ZRSR2: variants seen among roughly 807,000 people sequenced by gnomAD.
ZRSR2 encodes the protein zinc finger CCCH-type, RNA binding motif and serine/arginine rich 2, also known as U2 small nuclear ribonucleoprotein auxiliary factor 35 kDa subunit-related protein 2.
In ZRSR2, 3 loss-of-function variants were observed where a neutral mutation model predicts 39.4. The ratio of observed to expected loss-of-function variants is 0.08; its 90% CI spans 0.03 to 0.20. The LOEUF (loss-of-function observed/expected upper bound fraction) is 0.20. ZRSR2 is among the 10% of genes least tolerant of loss of function. ZRSR2 has a pLI of 1.00. For synonymous variants in ZRSR2, 137 were observed against 136.0 expected (o/e 1.01, Z -0.05); for missense variants, 256 against 391.5 (o/e 0.65, Z 2.92).
At chrX:15,822,360 C>T (rs900236105) in intron 10 of ZRSR2, among the ~76,000 whole-genome samples, 2 of 110,420 alleles carry the variant, frequency 1.8e-5, no homozygotes, top group Non-Finnish European at 3.8e-5. Flanking sequence ...CCACAGGGAC[C>T]CAAAGAGCTG....
chrX:15,790,795 C>T (rs1321027153), intron 1 of ZRSR2, 139 bp from the exon 2 acceptor site: 3 of 633,144 alleles, frequency 4.7e-6, no homozygotes, highest in East Asian at 3.5e-5. Context: ...GATGGCTGTT[C>T]TGTAATTAAA....
At chrX:15,799,652 T>G (rs1196315959) in intron 2 of ZRSR2, among the ~76,000 whole-genome samples, 1 of 110,811 alleles carries the variant, frequency 9.0e-6, no homozygotes, top group Non-Finnish European at 1.9e-5. Context: ...GTGGAACCAT[T>G]GATTAATTTT....
intron 6 of ZRSR2, 52 bp from the exon 7 acceptor site, chrX:15,809,148 C>T (rs1932842205): frequency 3.6e-6 from 3 of 836,663 alleles, no homozygotes; most frequent in Non-Finnish European, 5.4e-6. Context: ...TGAAACATTT[C>T]GTCTTTCATG....
chrX:15,799,841 C>T (rs1220953547), intron 2 of ZRSR2, 31 bp from the exon 3 acceptor site: 3 of 1,035,873 alleles, frequency 2.9e-6, no homozygotes, highest in Admixed American at 2.4e-5. Context: ...ATTTGCAGCA[C>T]TCAGTTTAAT....
rs776339208 is a variant in ZRSR2 at position 15,818,532 on chromosome X, A to G, written c.772-55A>G. On this transcript the variant is annotated intron_variant, in intron 8 of 10. Coordinates refer to ENST00000307771, the MANE Select transcript of ZRSR2 (RefSeq NM_005089.4). Reference sequence around the variant, plus strand: ...AGCCTGGACAAACAACATTTGATGAATGGCTGGTTTCTTTTCCTGAATTTT... The same window carrying G: ...AGCCTGGACAAACAACATTTGATGAGTGGCTGGTTTCTTTTCCTGAATTTT... The G allele has an allele frequency of 9.5e-6, 10 of 1,055,632 alleles. No individual in the cohort carries two copies. In the South Asian group the frequency reaches 2.0e-4, roughly 21 times the overall value. The allele number at this position is 1,055,632 out of a possible 1,213,427, so 87.0% of individuals were successfully genotyped here.
At chrX:15,816,526 A>G (rs1274252225) in intron 8 of ZRSR2, among the ~76,000 whole-genome samples, 1 of 112,143 alleles carries the variant, frequency 8.9e-6, no homozygotes, top group Non-Finnish European at 1.9e-5. Flanking sequence ...TGAAAAAGGC[A>G]TTCAGATGAC....
rs751917781 is a variant in ZRSR2 at position 15,823,130 on chromosome X, G to GGAGCCA, written c.1342_1343insAGAGCC (p.Ser447_Arg448insGlnSer). 1.3e-5 allele frequency: 16 copies of GGAGCCA among 1,204,994 alleles called. No homozygotes were observed. The highest frequency in any genetic ancestry group is 1.8e-5 in the Non-Finnish European group (16 of 892,632). ...GGCAGCCGGAGCCGGAGCCGGAGCC[G>GGAGCCA]GAGCCGCAGGAGCCGCCGCAGCCGG... is the stretch of plus-strand genomic sequence containing the variant. On this transcript the variant is annotated inframe_insertion, in exon 11 of 11. Coordinates refer to ENST00000307771, the MANE Select transcript of ZRSR2 (RefSeq NM_005089.4).
chrX:15,822,630 C>T (rs1034342109), intron 10 of ZRSR2, 101 bp from the exon 11 acceptor site: 7 of 1,172,835 alleles, frequency 6.0e-6, no homozygotes, highest in African/African-American at 5.3e-5. Context: ...GAAAATAGTT[C>T]TAGCATATCC....
At chrX:15,809,471 A>G (rs955480630) in intron 7 of ZRSR2, among the ~76,000 whole-genome samples, 153 bp downstream of exon 7, 1 of 112,380 alleles carries the variant, frequency 8.9e-6, no homozygotes, top group Non-Finnish European at 1.9e-5. Flanking sequence ...TTCCCAGCTG[A>G]TCATCCTCTG....
chrX:15,805,404 C>T (rs1020853254), intron 5 of ZRSR2, among the ~76,000 whole-genome samples: 1 of 111,571 alleles, frequency 9.0e-6, no homozygotes, highest in South Asian at 3.7e-4. Flanking sequence ...GCTTTTGTTT[C>T]AGAGGAAATC....
intron 6 of ZRSR2, 76 bp downstream of exon 6, chrX:15,808,347 G>A: frequency 2.1e-6 from 2 of 960,479 alleles, no homozygotes; most frequent in Non-Finnish European, 3.0e-6. Context: ...AGTAATGTTA[G>A]TTTCGTGGTA....
At chrX:15,807,282 CGTTT>C (rs1248141922) in intron 5 of ZRSR2, among the ~76,000 whole-genome samples, 7 of 110,792 alleles carry the variant, frequency 6.3e-5, no homozygotes, top group South Asian at 3.8e-4. Context: ...TGGGTTTTTT[CGTTT>C]GTTTGTTTGT....
chrX:15,810,007 T>A (rs1016739170), intron 7 of ZRSR2, among the ~76,000 whole-genome samples: 8 of 111,757 alleles, frequency 7.2e-5, no homozygotes, highest in Admixed American at 5.7e-4. Context: ...TGTGCCTTCG[T>A]TCTCTCATCT....
At chrX:15,821,240 T>G (rs1347453432) in intron 10 of ZRSR2, among the ~76,000 whole-genome samples, 1 of 111,022 alleles carries the variant, frequency 9.0e-6, no homozygotes, top group African/African-American at 3.3e-5. Flanking sequence ...TAAAGGCAGT[T>G]ACTTTTGTCA....
chrX:15,820,362 A>G (rs1569073662), intron 10 of ZRSR2, 46 bp downstream of exon 10: 5 of 1,082,247 alleles, frequency 4.6e-6, no homozygotes, highest in Non-Finnish European at 6.4e-6. Flanking sequence ...TTCCACTGCT[A>G]TATAAAGGGA....
At chrX:15,790,786 A>C in intron 1 of ZRSR2, 148 bp from the exon 2 acceptor site, 1 of 605,863 alleles carries the variant, frequency 1.7e-6, no homozygotes, top group South Asian at 2.8e-5. Flanking sequence ...GCGATGATAG[A>C]TGGCTGTTCT....
chrX:15,795,911 G>C (rs185428828), intron 2 of ZRSR2, among the ~76,000 whole-genome samples: 1 of 112,048 alleles, frequency 8.9e-6, no homozygotes, highest in Middle Eastern at 4.6e-3. Context: ...TCACGAGGTC[G>C]GGACTTCGAG....
In ZRSR2 at chrX:15,804,027, TTAAG is replaced by T. The variant is rs931475500; in HGVS notation, c.313-82_313-79del. The stretch of plus-strand genomic sequence containing the variant: ...TGATCTTATTCAGTTTGCCAGTGTT[TTAAG>T]TTTTTCATCTATGTGCGCTGTATGT... On this transcript the variant is annotated intron_variant, in intron 4 of 10. Coordinates refer to ENST00000307771, the MANE Select transcript of ZRSR2 (RefSeq NM_005089.4). 5 of 1,068,606 alleles carry T rather than the reference TTAAG, an allele frequency of 4.7e-6. No individual in the cohort carries two copies. The African/African-American group carries it at 7.7e-5, about 16-fold the overall frequency. The allele number at this position is 1,068,606 out of a possible 1,213,427, so 88.1% of individuals were successfully genotyped here.
At chrX:15,817,080 A>G (rs1207362419) in intron 8 of ZRSR2, among the ~76,000 whole-genome samples, 1 of 111,594 alleles carries the variant, frequency 9.0e-6, no homozygotes, top group African/African-American at 3.3e-5. Context: ...AGGGGACTGG[A>G]TTACGTCAGT....
Sources: gnomAD v4.1 joint callset for allele counts (sites outside exome capture counted in the v4.1 genomes callset) on GRCh38, gnomAD v4.1.1 for gene constraint, MANE v1.5 for transcripts, NCBI Gene and HGNC (gene_info 2026-07-23, HGNC 2026-07-21) for gene names.